CTSO: variants seen among roughly 807,000 people sequenced by gnomAD.
CTSO encodes the protein cathepsin O.
Under a neutral mutation model 42.4 loss-of-function variants are expected in CTSO, and 40 were observed. That is an observed-to-expected ratio of 0.94 (90% confidence interval 0.73 to 1.23). The LOEUF is 1.23. Among genes scored for constraint, CTSO ranks in the 50% most tolerant of loss-of-function variants. CTSO has a pLI of 0.00. For synonymous variants in CTSO, 156 were observed against 146.2 expected (o/e 1.07, Z -0.48); for missense variants, 441 against 396.0 (o/e 1.11, Z -0.96).
chr4:155,945,068 C>T (rs867155931), intron 1 of CTSO, among the ~76,000 whole-genome samples: 1 of 151,638 alleles, frequency 6.6e-6, no homozygotes, highest in Non-Finnish European at 1.5e-5. Context: ...ACCAGCCTCG[C>T]CAACATGGTG....
chr4:155,937,328 T>C lies in CTSO; in HGVS notation c.674+34A>G, dbSNP rs112530305. On this transcript the variant is annotated intron_variant, in intron 5 of 7. Transcript: ENST00000433477. ...GTCAATAGATCATAAATTAAAAATG[T>C]ATAAAGAAAAACATAATACAATAAG... 12 of 1,532,434 alleles carry C rather than the reference T, an allele frequency of 7.8e-6. No individual in the cohort carries two copies. In the African/African-American group the frequency reaches 1.1e-4, roughly 14 times the overall value. The allele number at this position is 1,532,434 out of a possible 1,614,324, so 94.9% of individuals were successfully genotyped here. A position where few individuals can be genotyped will look rare whatever the true frequency, so the allele number is the denominator to read the frequency against.
rs374145943 is a variant in CTSO, at chr4:155,939,409, C to T, written c.514G>A (p.Gly172Arg). 10 of 1,613,884 alleles carry T rather than the reference C, an allele frequency of 6.2e-6. No homozygotes were observed. In the African/African-American group the frequency reaches 9.3e-5, roughly 15 times the overall value. The change falls in exon 4 of 8, where the codon GGA becomes AGA. Residue 172 changes from glycine to arginine, a missense_variant. Coordinates refer to ENST00000433477, the MANE Select transcript of CTSO (RefSeq NM_001334.3). Reference sequence around the variant, plus strand: ...TTCAAAGCATTGAGAGTAGAGCCTCCATTGCAGCCATAATTATTATACGAA... The same window carrying T: ...TTCAAAGCATTGAGAGTAGAGCCTCTATTGCAGCCATAATTATTATACGAA... ...DCSYNNYGCN[G>R]GSTLNALNWL...
At chr4:155,949,631 A>G (rs2334111) in intron 1 of CTSO, among the ~76,000 whole-genome samples, 135,493 of 152,252 alleles carry the variant, frequency 0.89, 61,854 homozygotes, top group East Asian at 1. Context: ...AGGATAAATC[A>G]TAAATTGTAC....
At chr4:155,936,327 T>G (rs1011534832) in intron 5 of CTSO, among the ~76,000 whole-genome samples, 1 of 152,182 alleles carries the variant, frequency 6.6e-6, no homozygotes, top group Non-Finnish European at 1.5e-5. Flanking sequence ...TCTGGCACAC[T>G]TATGCTCATT....
Position 155,953,036 on chromosome 4 carries a change from G to A in CTSO, c.135+677C>T, listed in dbSNP as rs1292132598. Among the ~76,000 whole-genome samples, 3 of 151,386 alleles carry A rather than the reference G, an allele frequency of 2.0e-5. No individual in the cohort carries two copies. In the East Asian group the frequency reaches 5.8e-4, roughly 29 times the overall value. On this transcript the variant is annotated intron_variant, in intron 1 of 7. Coordinates refer to ENST00000433477, the MANE Select transcript of CTSO (RefSeq NM_001334.3). ...GGTCCCTTCCAGAGTTTTCATGCTA[G>A]ACTCAAATCTAAGTATTTATTATAA...
intron 5 of CTSO, among the ~76,000 whole-genome samples, chr4:155,934,787 T>A (rs1579341682): frequency 6.6e-6 from 1 of 152,308 alleles, no homozygotes; most frequent in South Asian, 2.1e-4. Flanking sequence ...CCCTACTGCA[T>A]CTAGGAAGTA....
intron 1 of CTSO, 137 bp from the exon 2 acceptor site, chr4:155,943,401 A>G (rs1006704249): frequency 4.1e-5 from 22 of 540,208 alleles, no homozygotes; most frequent in Non-Finnish European, 6.7e-5. Flanking sequence ...AAAGTTGTAT[A>G]AGATATCCAT....
intron 1 of CTSO, among the ~76,000 whole-genome samples, chr4:155,945,620 T>A (rs1402606557): frequency 6.6e-6 from 1 of 152,096 alleles, no homozygotes; most frequent in African/African-American, 2.4e-5. Flanking sequence ...TTTGAGAAAA[T>A]CAAGAAGAAG....
intron 1 of CTSO, among the ~76,000 whole-genome samples, chr4:155,945,660 T>A (rs1334663061): frequency 6.6e-6 from 1 of 152,150 alleles, no homozygotes; most frequent in African/African-American, 2.4e-5. Flanking sequence ...ATAAGACCAG[T>A]GTTACCCTGA....
At chr4:155,943,416 G>T in intron 1 of CTSO, 152 bp from the exon 2 acceptor site, 2 of 487,762 alleles carry the variant, frequency 4.1e-6, no homozygotes, top group South Asian at 9.1e-5. Flanking sequence ...ATCCATAGGA[G>T]ATTCATAAAT....
chr4:155,952,689 G>T (rs1451060120), intron 1 of CTSO, among the ~76,000 whole-genome samples: 1 of 152,200 alleles, frequency 6.6e-6, no homozygotes, highest in Non-Finnish European at 1.5e-5. Context: ...ATCAGGGAAG[G>T]CTGGCCTTCC....
chr4:155,945,317 T>G lies in CTSO; in HGVS notation c.136-2053A>C, dbSNP rs182455424. On this transcript the variant is annotated intron_variant, in intron 1 of 7. Coordinates refer to ENST00000433477, the MANE Select transcript of CTSO (RefSeq NM_001334.3). ...AATGAGAAGACATGAATAACCAATT[T>G]ACCAATATTAGGAATGAAAGAAGAG... 2.1e-4 allele frequency among the ~76,000 whole-genome samples: 32 copies of G among 152,022 alleles called. No homozygotes were observed. The East Asian group carries it at 4.6e-3, about 22-fold the overall frequency.
chr4:155,937,765 C>A (rs1272382644), intron 4 of CTSO, among the ~76,000 whole-genome samples: 1 of 152,030 alleles, frequency 6.6e-6, no homozygotes, highest in African/African-American at 2.4e-5. Context: ...CAGGTATGAG[C>A]CACCACGCCA....
At chr4:155,946,532 T>C (rs1463629257) in intron 1 of CTSO, among the ~76,000 whole-genome samples, 1 of 152,216 alleles carries the variant, frequency 6.6e-6, no homozygotes, top group Non-Finnish European at 1.5e-5. Flanking sequence ...CTGTTCTTTA[T>C]GTCAGCGGCA....
At chr4:155,934,849 T>TGAGA (rs1743302644) in intron 5 of CTSO, among the ~76,000 whole-genome samples, 1 of 152,312 alleles carries the variant, frequency 6.6e-6, no homozygotes, top group African/African-American at 2.4e-5. Flanking sequence ...AGTTGCCTTC[T>TGAGA]CTCAGATGAG....
At chr4:155,953,674 G>A in intron 1 of CTSO, 39 bp downstream of exon 1, 2 of 1,240,970 alleles carry the variant, frequency 1.6e-6, no homozygotes, top group African/African-American at 1.6e-5. Context: ...AGGAAGTGAG[G>A]GAGCAGGGAC....
chr4:155,938,770 C>A (rs1205606957), intron 4 of CTSO, among the ~76,000 whole-genome samples: 2 of 151,654 alleles, frequency 1.3e-5, no homozygotes, highest in Non-Finnish European at 2.9e-5. Context: ...ACTAAAAAAA[C>A]AAAAACAAAA....
chr4:155,942,526 T>C, intron 2 of CTSO, 70 bp from the exon 3 acceptor site: 1 of 679,130 alleles, frequency 1.5e-6, no homozygotes, highest in Non-Finnish European at 1.9e-6. Context: ...ATATATCATA[T>C]ATATTTGTTA....
intron 5 of CTSO, among the ~76,000 whole-genome samples, chr4:155,935,780 T>A: frequency 6.6e-6 from 1 of 152,172 alleles, no homozygotes. Flanking sequence ...CAGTAAATAT[T>A]TGAATGAATA....
Sources: allele counts gnomAD v4.1 joint callset (sites outside exome capture counted in the v4.1 genomes callset), GRCh38; gene constraint gnomAD v4.1.1; transcripts MANE v1.5; gene names NCBI Gene and HGNC (gene_info 2026-07-23, HGNC 2026-07-21).